The following IRGM variants were observed in gnomAD, a reference collection of about 807,000 sequenced individuals.
The protein encoded by IRGM is immunity related GTPase M.
For synonymous variants in IRGM, 98 were observed against 80.6 expected (o/e 1.22, Z -1.16); for missense variants, 288 against 219.9 (o/e 1.31, Z -1.96).
At chr5:150,893,545 G>A (rs577293324) in intron 3 of IRGM, among the ~76,000 whole-genome samples, 24 of 152,234 alleles carry the variant, frequency 1.6e-4, no homozygotes, top group Admixed American at 3.3e-4. Context: ...CTAATCACAC[G>A]TATTAGATAC....
chr5:150,895,990 C>G, intron 3 of IRGM: 4 of 1,613,514 alleles, frequency 2.5e-6, no homozygotes, highest in Middle Eastern at 1.7e-4. Context: ...TCACAGAAGG[C>G]TTTCCCACAT....
intron 3 of IRGM, among the ~76,000 whole-genome samples, chr5:150,880,953 C>T (rs1282686629): frequency 6.6e-6 from 1 of 151,870 alleles, no homozygotes; most frequent in Non-Finnish European, 1.5e-5. Context: ...GTGGTAAAAC[C>T]CCGTCTCTAC....
rs1199734968 is a variant in IRGM at position 150,848,427 on chromosome 5, G to A, written c.304G>A (p.Glu102Lys). 9 of 1,551,696 alleles carry A rather than the reference G, an allele frequency of 5.8e-6. No individual in the cohort carries two copies. Among genetic ancestry groups the A allele is most frequent in the Non-Finnish European group, 7.8e-6 (9 of 1,146,962 alleles). The change falls in exon 2 of 2, where the codon GAG (glutamate) becomes AAG (lysine). Residue 102 changes from glutamate (E) to lysine (K), a missense_variant. Coordinates refer to ENST00000522154, the MANE Select transcript of IRGM (RefSeq NM_001145805.2). ...PGTGSATTTL[E>K]NYLMEMQFNR... is the part of the protein sequence containing the mutation. ...CACAGGGTCTGCCACCACAACCCTG[G>A]AGAACTACCTGATGGAAATGCAGTT... is the stretch of plus-strand genomic sequence containing the variant.
chr5:150,887,668 A>C (rs1341723619), intron 3 of IRGM, among the ~76,000 whole-genome samples: 1 of 151,710 alleles, frequency 6.6e-6, no homozygotes, highest in Non-Finnish European at 1.5e-5. Context: ...GAAAAAAAAA[A>C]AAAAAAGACT....
chr5:150,848,332 A>G lies in IRGM; in HGVS notation c.209A>G (p.Lys70Arg). The G allele has an allele frequency of 6.4e-7, 1 of 1,551,792 alleles. No individual in the cohort carries two copies. Reference protein sequence around the residue: ...GKASPPTELVKATQRCASYFS... With the variant: ...GKASPPTELVRATQRCASYFS... ...GCCTCACCTCCTACTGAGCTGGTAA[A>G]AGCTACCCAAAGATGTGCCTCCTAT... Residue 70 changes from lysine to arginine, a missense_variant, in exon 2 of 2, where the codon AAA (lysine) becomes AGA (arginine). Lys to Arg is a conservative substitution (Grantham distance 26). Transcript: ENST00000522154.
At chr5:150,850,808 C>A (rs1221965436), downstream of IRGM, among the ~76,000 whole-genome samples, 1 of 152,114 alleles carries the variant, frequency 6.6e-6, no homozygotes, top group Non-Finnish European at 1.5e-5. Flanking sequence ...GTAGTGAGAG[C>A]GAGCCATGAG....
intron 1 of IRGM, among the ~76,000 whole-genome samples, chr5:150,856,000 G>A (rs955141018): frequency 6.6e-6 from 1 of 150,906 alleles, no homozygotes; most frequent in Admixed American, 6.6e-5. Flanking sequence ...CAAAACTCAA[G>A]AGATTTTAAA....
chr5:150,852,571 A>T (rs980402502), downstream of IRGM, among the ~76,000 whole-genome samples: 5 of 152,224 alleles, frequency 3.3e-5, no homozygotes, highest in Middle Eastern at 3.4e-3. Context: ...CATTCTCATT[A>T]AGAGCAGTGA....
intron 1 of IRGM, among the ~76,000 whole-genome samples, chr5:150,853,782 A>G (rs1192204613): frequency 2.6e-5 from 4 of 151,872 alleles, no homozygotes; most frequent in African/African-American, 9.7e-5. Context: ...TTCCACTTTC[A>G]CTTTCAAACT....
intron 1 of IRGM, among the ~76,000 whole-genome samples, chr5:150,863,589 T>C (rs1317506678): frequency 1.3e-5 from 2 of 152,236 alleles, no homozygotes; most frequent in Admixed American, 6.5e-5. Context: ...GAATTTTAAA[T>C]GAACAATTAT....
chr5:150,858,856 A>G (rs1754095844), intron 1 of IRGM, among the ~76,000 whole-genome samples: 1 of 152,236 alleles, frequency 6.6e-6, no homozygotes, highest in Non-Finnish European at 1.5e-5. Context: ...TAGATATACA[A>G]TCATGCCATC....
chr5:150,879,907 T>C (rs1754420393), intron 3 of IRGM, among the ~76,000 whole-genome samples: 1 of 152,138 alleles, frequency 6.6e-6, no homozygotes, highest in South Asian at 2.1e-4. Context: ...AGGTGTGTCT[T>C]AAACTCAAGA....
chr5:150,848,667 T>C lies in IRGM; in HGVS notation c.544T>C (p.Ter182GlnextTer?). 6.6e-7 allele frequency: 1 copy of C among 1,516,390 alleles called. No individual in the cohort carries two copies. Among genetic ancestry groups the C allele is most frequent in the Non-Finnish European group, 8.9e-7 (1 of 1,125,438 alleles). The allele number at this position is 1,516,390 out of a possible 1,614,324, so 93.9% of individuals were successfully genotyped here. ...NLQKERVCEY[*>Q] ...CCAGAAGGAGCGGGTATGTGAATAC[T>C]AATTCCTGTCTTCATTAAACATTTT... Residue 182 changes from the stop codon to glutamine, a stop_lost, in exon 2 of 2, where the codon TAA (stop) becomes CAA (glutamine). Coordinates refer to ENST00000522154, the MANE Select transcript of IRGM (RefSeq NM_001145805.2).
chr5:150,895,407 T>C, intron 3 of IRGM: 1 of 1,554,066 alleles, frequency 6.4e-7, no homozygotes, highest in Non-Finnish European at 8.7e-7. Context: ...TACTAAGGCT[T>C]TTCTGTGGCC....
At position 150,867,830 on chromosome 5, in the gene IRGM, G is replaced by GTT. The variant is rs796153462; in HGVS notation, c.159-10139_159-10138dup. 2.7e-3 allele frequency among the ~76,000 whole-genome samples: 380 copies of GTT among 139,228 alleles called. 1 individual carries two copies. The highest frequency in any genetic ancestry group is 9.3e-3 in the African/African-American group (361 of 38,724). The allele number at this position is 139,228 out of a possible 152,430, so 91.3% of individuals were successfully genotyped here. ...AGCCCACGTATTGATGGGATTATTT[G>GTT]TTTTTTTTTTTTCTTGCTGATTTCT... On this transcript the variant is annotated intron_variant and NMD_transcript_variant, in intron 1 of 3. Coordinates refer to the IRGM transcript ENST00000520549.
intron 1 of IRGM, among the ~76,000 whole-genome samples, chr5:150,866,704 C>G (rs1754213601): frequency 6.6e-6 from 1 of 152,120 alleles, no homozygotes; most frequent in African/African-American, 2.4e-5. Context: ...CAAATAATTC[C>G]ATTGCTTTAT....
At chr5:150,894,195 C>G (rs1451669172) in intron 3 of IRGM, among the ~76,000 whole-genome samples, 1 of 152,022 alleles carries the variant, frequency 6.6e-6, no homozygotes, top group Non-Finnish European at 1.5e-5. Flanking sequence ...CAGGTCACTT[C>G]CAGCAAGGGT....
At chr5:150,852,750 CT>C (rs1753994284), downstream of IRGM, among the ~76,000 whole-genome samples, 1 of 151,976 alleles carries the variant, frequency 6.6e-6, no homozygotes, top group Non-Finnish European at 1.5e-5. Flanking sequence ...AGAATGTACC[CT>C]TTTTCATTCT....
chr5:150,847,955 C>A lies in IRGM; in HGVS notation c.-169C>A. The A allele has an allele frequency of 1.7e-6, 1 of 593,650 alleles. No individual in the cohort carries two copies. 36.8% of individuals were successfully genotyped at this position (593,650 alleles called of 1,614,324 possible). A position where few individuals can be genotyped will look rare whatever the true frequency, so the allele number is the denominator to read the frequency against. On this transcript the variant is annotated 5_prime_UTR_variant, in exon 2 of 2. Transcript: ENST00000522154. ...ATTAGCTGGGACTACAGGCGCACAC[C>A]ACCACGCGCAGCTAATTTTTTTGTA... is the stretch of plus-strand genomic sequence containing the variant.
Sources: gnomAD v4.1 joint callset for allele counts (sites outside exome capture counted in the v4.1 genomes callset) on GRCh38, gnomAD v4.1.1 for gene constraint, MANE v1.5 for transcripts, NCBI Gene and HGNC (gene_info 2026-07-23, HGNC 2026-07-21) for gene names.